Variants in LAMA1 observed in about 807,000 individuals in gnomAD.
LAMA1 encodes the protein laminin subunit alpha-1.
Under a neutral mutation model 348.7 loss-of-function variants are expected in LAMA1, and 219 were observed. The ratio of observed to expected loss-of-function variants is 0.63; its 90% CI spans 0.56 to 0.70. The LOEUF (loss-of-function observed/expected upper bound fraction) is 0.70, where lower values mean the gene tolerates loss of function less well. Ranked by LOEUF, LAMA1 falls within the 30% of genes least tolerant of loss-of-function variation. The pLI, the probability that LAMA1 is intolerant of heterozygous loss-of-function variation, is 0.00. For missense variants in LAMA1, 3,744 were observed against 3,888.0 expected (o/e 0.96, Z 0.99); for synonymous variants, 1,487 against 1,491.0 (o/e 1.00, Z 0.06).
rs1336218737 is a variant in LAMA1 at position 7,026,090 on chromosome 18, G to A, written c.2291C>T (p.Thr764Ile). 14 of 1,611,486 alleles carry A rather than the reference G, an allele frequency of 8.7e-6. No individual in the cohort carries two copies. Among genetic ancestry groups the A allele is most frequent in the Non-Finnish European group, 1.2e-5 (14 of 1,178,738 alleles). ...HGVCIACAHN[T>I]TGVHCEQCLP... Reference sequence around the variant, plus strand: ...GCACTGCTCACAGTGGACGCCGGTGGTGTTGTGCGCACACGCCTAGGAACA... The same window carrying A: ...GCACTGCTCACAGTGGACGCCGGTGATGTTGTGCGCACACGCCTAGGAACA... The change falls in exon 17 of 63, where the codon ACC becomes ATC. Residue 764 changes from threonine (T) to isoleucine (I), a missense_variant. Physicochemically the swap from Thr to Ile is moderately conservative, Grantham distance 89. Around this residue, in one of 3 missense-constraint regions of LAMA1, gnomAD observed 1,529 missense variants for 1,689.4 expected, o/e 0.91. Transcript: ENST00000389658.
At chr18:7,081,546 C>T (rs570248952) in intron 1 of LAMA1, among the ~76,000 whole-genome samples, 36 of 152,304 alleles carry the variant, frequency 2.4e-4, no homozygotes, top group African/African-American at 7.7e-4. Context: ...TCCTTTGTCT[C>T]AGCTGATTTT....
chr18:7,011,265 G>A (rs772923309), intron 25 of LAMA1, 35 bp downstream of exon 25: 1 of 1,604,510 alleles, frequency 6.2e-7, no homozygotes, highest in Non-Finnish European at 8.5e-7. Flanking sequence ...ATCCTAGGAA[G>A]CACCGACTGG....
intron 29 of LAMA1, among the ~76,000 whole-genome samples, chr18:7,006,185 T>C (rs141086058): frequency 6.6e-6 from 1 of 152,332 alleles, no homozygotes; most frequent in Non-Finnish European, 1.5e-5. Flanking sequence ...TTAAGCTAAA[T>C]CATGGACACA....
chr18:7,009,238 C>T lies in LAMA1; in HGVS notation c.4001+1G>A. 1 of 1,614,092 alleles carries T rather than the reference C, an allele frequency of 6.2e-7. No individual in the cohort carries two copies. The highest frequency in any genetic ancestry group is 8.5e-7 in the Non-Finnish European group (1 of 1,179,996). ...GTCAAAATTCTAGAAGCTCCAAGTA[C>T]CTGCTCTGCTGTAATCCTTGACCAT... is the stretch of plus-strand genomic sequence containing the variant. On this transcript the variant is annotated splice_donor_variant, in intron 27 of 62. Transcript: ENST00000389658. LOFTEE classifies it high-confidence loss of function.
intron 49 of LAMA1, 75 bp from the exon 50 acceptor site, chr18:6,965,507 G>C: frequency 2.6e-6 from 4 of 1,525,146 alleles, no homozygotes; most frequent in South Asian, 1.1e-5. Flanking sequence ...GTCAGGGATG[G>C]CTGAAACCTT....
rs150606453 is a variant in LAMA1 at position 7,016,617 on chromosome 18, C to T, written c.2863G>A (p.Val955Met). The change falls in exon 21 of 63, where the codon GTG becomes ATG. Residue 955 changes from valine to methionine, a missense_variant. By Grantham distance (21) the Val-to-Met change is conservative. This residue lies in a region of LAMA1 where 1,529 missense variants were observed against 1,689.4 expected (regional missense o/e 0.91). Transcript: ENST00000389658. ...CAGCCATCTGACACGGAGCCTGCCA[C>T]GCTGCAGTTGCAGGGCCGGCAGCCA... The part of the protein sequence containing the change: ...GHGCRPCNCS[V>M]AGSVSDGCTD... 1.2e-4 allele frequency: 199 copies of T among 1,614,142 alleles called. 2 individuals are homozygous for T. In the South Asian group the frequency reaches 1.9e-3, roughly 16 times the overall value.
At position 7,016,652 on chromosome 18, in the gene LAMA1, T is replaced by A; in HGVS notation, c.2828A>T (p.Asp943Val). The A allele has an allele frequency of 6.2e-7, 1 of 1,613,492 alleles. No individual in the cohort carries two copies. The highest frequency in any genetic ancestry group is 8.5e-7 in the Non-Finnish European group (1 of 1,179,808). ...DQCLHGYYGL[D>V]SGHGCRPCNC... ...GCAGGGCCGGCAGCCATGGCCTGAG[T>A]CCAGCCCATAATAGCCATGCTGTTT... Residue 943 changes from aspartate (D) to valine (V), a missense_variant, in exon 21 of 63, where the codon GAC (aspartate) becomes GTC (valine). By Grantham distance (152) the Asp-to-Val change is radical. Transcript: ENST00000389658.
At chr18:7,106,517 T>G (rs2058312448) in intron 1 of LAMA1, among the ~76,000 whole-genome samples, 1 of 151,924 alleles carries the variant, frequency 6.6e-6, no homozygotes, top group Admixed American at 6.6e-5. Context: ...GCACCACCAC[T>G]CCCAGCTAAT....
chr18:7,037,222 G>A lies in LAMA1; in HGVS notation c.1737+356C>T, dbSNP rs192897926. ...GCCAGGCCCTCCACTAAGCCATGGA[G>A]GCTCTAAGCTGAGCCTATGGCAAAC... On this transcript the variant is annotated intron_variant, in intron 12 of 62. Transcript: ENST00000389658. 8.0e-4 allele frequency among the ~76,000 whole-genome samples: 122 copies of A among 152,288 alleles called. 1 individual carries two copies. Among genetic ancestry groups the A allele is most frequent in the African/African-American group, 2.8e-3 (117 of 41,552 alleles).
At chr18:7,104,068 C>T (rs2058302093) in intron 1 of LAMA1, among the ~76,000 whole-genome samples, 1 of 152,084 alleles carries the variant, frequency 6.6e-6, no homozygotes, top group African/African-American at 2.4e-5. Context: ...CAACCTCCGC[C>T]TCCTAGGTTC....
At position 6,978,278 on chromosome 18, in the gene LAMA1, C is replaced by G. The variant is rs748836384; in HGVS notation, c.6108G>C (p.Leu2036=). 5.6e-6 allele frequency: 9 copies of G among 1,614,090 alleles called. No homozygotes were observed. In the African/African-American group the frequency reaches 1.1e-4, roughly 19 times the overall value. Residue 2036 remains leucine, a synonymous_variant, in exon 43 of 63, where the codon CTG becomes CTC. Transcript: ENST00000389658. ...LRDVAGLSQE[L]LNTSASLSRV... ...TGGACAGGCTGGCAGATGTGTTCAG[C>G]AGCTCCTGGCTCAGCCCCGCCACGT... is the stretch of plus-strand genomic sequence containing the variant.
chr18:6,948,512 G>A lies in LAMA1; in HGVS notation c.8601C>T (p.Asn2867=), dbSNP rs753457651. Reference sequence around the variant, plus strand: ...GGCTGTCCTTGTCCAGCTGTTTGCTGTTAACCGTCACATCCCCAATGCAGG... The same window carrying A: ...GGCTGTCCTTGTCCAGCTGTTTGCTATTAACCGTCACATCCCCAATGCAGG... ...IPACIGDVTV[N]SKQLDKDSPV... Residue 2867 remains asparagine, a synonymous_variant, in exon 60 of 63, where the codon AAC becomes AAT. Coordinates refer to ENST00000389658, the MANE Select transcript of LAMA1 (RefSeq NM_005559.4). 1.3e-5 allele frequency: 21 copies of A among 1,614,208 alleles called. No homozygotes were observed. The highest frequency in any genetic ancestry group is 3.3e-5 in the Admixed American group (2 of 60,020).
intron 16 of LAMA1, among the ~76,000 whole-genome samples, chr18:7,030,101 A>G (rs1259924307): frequency 1.3e-5 from 2 of 152,154 alleles, no homozygotes; most frequent in African/African-American, 4.8e-5. Context: ...TTAAGAAGGG[A>G]GAAATAGTAA....
At chr18:7,022,453 GA>G (rs2057922142) in intron 19 of LAMA1, among the ~76,000 whole-genome samples, 1 of 152,324 alleles carries the variant, frequency 6.6e-6, no homozygotes, top group African/African-American at 2.4e-5. Context: ...GTGTGCCTGG[GA>G]AAGTATGTTT....
intron 57 of LAMA1, 70 bp from the exon 58 acceptor site, chr18:6,951,041 G>A: frequency 7.2e-7 from 1 of 1,381,682 alleles, no homozygotes; most frequent in Non-Finnish European, 1.0e-6. Flanking sequence ...CTCAAAAGAG[G>A]ACCCAACAAT....
In LAMA1 at chr18:7,013,968, A is replaced by G; in HGVS notation, c.3210T>C (p.Gly1070=). The change falls in exon 23 of 63, where the codon GGT becomes GGC. Residue 1070 remains glycine (G), a synonymous_variant. Transcript: ENST00000389658. ...AGGAACACTGATCGCAGGCCCGGCCACCAAATTTTGACTTGCACTGGCAAT... is the reference window on the plus strand; with the variant it reads ...AGGAACACTGATCGCAGGCCCGGCCGCCAAATTTTGACTTGCACTGGCAAT... ...TGHCQCKSKF[G]GRACDQCSLG... is the part of the protein sequence containing the mutation. 1 of 1,613,976 alleles carries G rather than the reference A, an allele frequency of 6.2e-7. No individual in the cohort carries two copies. Among genetic ancestry groups the G allele is most frequent in the East Asian group, 2.2e-5 (1 of 44,882 alleles).
At chr18:6,972,133 C>T in intron 47 of LAMA1, 152 bp from the exon 48 acceptor site, 1 of 777,536 alleles carries the variant, frequency 1.3e-6, no homozygotes, top group South Asian at 1.6e-5. Context: ...TTTGTAATCA[C>T]TGGATTTCCT....
rs779833715 is a variant in LAMA1, at chr18:6,964,753, G to A, written c.7246C>T (p.Gln2416Ter). Reference sequence around the variant, plus strand: ...GAAGATGCTCCCGGAGTCTCGCCCTGCTTGGTTTCTTTATTACTGGTGTTA... The same window carrying A: ...GAAGATGCTCCCGGAGTCTCGCCCTACTTGGTTTCTTTATTACTGGTGTTA... ...AYNTSNKETK[Q>*]GETPGASSDL... Residue 2416 changes from glutamine (Q) to a stop codon, truncating the protein, a stop_gained, in exon 51 of 63, where the codon CAG (glutamine) becomes TAG (stop). Transcript: ENST00000389658. LOFTEE classifies it high-confidence loss of function. 1 of 1,614,088 alleles carries A rather than the reference G, an allele frequency of 6.2e-7. No homozygotes were observed. Among genetic ancestry groups the A allele is most frequent in the Admixed American group, 1.7e-5 (1 of 60,024 alleles).
At chr18:7,036,663 AC>A (rs1487167069) in intron 12 of LAMA1, among the ~76,000 whole-genome samples, 2 of 152,174 alleles carry the variant, frequency 1.3e-5, no homozygotes, top group African/African-American at 4.8e-5. Flanking sequence ...AAATCATTGA[AC>A]TCTGTTGATA....
Sources: allele counts gnomAD v4.1 joint callset (sites outside exome capture counted in the v4.1 genomes callset), GRCh38; gene constraint gnomAD v4.1.1; regional missense constraint gnomAD v4.1.1; transcripts MANE v1.5; gene names NCBI Gene and HGNC (gene_info 2026-07-23, HGNC 2026-07-21).